Variants in AMER2 observed in about 807,000 individuals in gnomAD.
AMER2 encodes the protein APC membrane recruitment protein 2.
A neutral mutation model predicts 4.7 loss-of-function variants in AMER2; 1 was observed. That is an observed-to-expected ratio of 0.21 (90% confidence interval 0.07 to 1.00). AMER2 has a LOEUF of 1.00. Ranked by LOEUF, AMER2 falls within the 50% of genes least tolerant of loss-of-function variation. The pLI, the probability that AMER2 is intolerant of heterozygous loss-of-function variation, is 0.60. For missense variants in AMER2, 988 were observed against 966.9 expected (o/e 1.02, Z -0.29); for synonymous variants, 485 against 433.3 (o/e 1.12, Z -1.48).
Position 25,170,920 on chromosome 13 carries a change from G to T in AMER2, c.700C>A (p.Leu234Met), listed in dbSNP as rs748376080. 5 of 1,486,178 alleles carry T rather than the reference G, an allele frequency of 3.4e-6. No homozygotes were observed. The Admixed American group carries it at 6.7e-5, about 20-fold the overall frequency. 92.1% of individuals were successfully genotyped at this position (1,486,178 alleles called of 1,614,324 possible). A position where few individuals can be genotyped will look rare whatever the true frequency, so the allele number is the denominator to read the frequency against. ...LILPGSLTASLECVKEETPRA... is the reference protein window; with the variant it reads ...LILPGSLTASMECVKEETPRA... ...GGCGTCTCCTCCTTGACGCACTCCA[G>T]GCTGGCGGTGAGCGAGCCGGGTAGG... The change falls in exon 1 of 1, where the codon CTG becomes ATG. Residue 234 changes from leucine (L) to methionine (M), a missense_variant. By Grantham distance (15) the Leu-to-Met change is conservative. Transcript: ENST00000515384. This position sits in a 1 kb window ranked among gnomAD's most constrained non-coding sequence, Gnocchi z 7.3.
chr13:25,169,166 AGAG>A lies in AMER2; in HGVS notation c.*435_*437del, dbSNP rs1407790407. On this transcript the variant is annotated 3_prime_UTR_variant, in exon 1 of 1. Coordinates refer to ENST00000515384, the MANE Select transcript of AMER2 (RefSeq NM_152704.4). The surrounding 1 kb of genome is among the most constrained non-coding windows in gnomAD (Gnocchi z 4.2). ...GGGAAGGAAGGAAACGTGTCTTGGA[AGAG>A]GAGATCTCCTCTGGTTCTTCAGCGG... The A allele has an allele frequency of 6.5e-6, 1 of 154,026 alleles. No individual in the cohort carries two copies. The highest frequency in any genetic ancestry group is 1.4e-5 in the Non-Finnish European group (1 of 69,126). 9.5% of individuals were successfully genotyped at this position (154,026 alleles called of 1,614,324 possible).
In AMER2 at chr13:25,170,729, TC is replaced by T. The variant is rs1217583494; in HGVS notation, c.890del (p.Gly297GlufsTer31). ...CGCGCCGATGCCCCGCGGCGTCCTC[TC>T]CCCGGGCGCCGGTGTCGCCGGGGTG... ...LAHPGDTGAR[G>X]EDAAGHRRAE... On this transcript the variant is annotated frameshift_variant, in exon 1 of 1. Transcript: ENST00000515384. LOFTEE classifies it low-confidence loss of function (END_TRUNC). The surrounding 1 kb of genome is among the most constrained non-coding windows in gnomAD (Gnocchi z 7.3). 1 of 1,433,122 alleles carries T rather than the reference TC, an allele frequency of 7.0e-7. No homozygotes were observed. Among genetic ancestry groups the T allele is most frequent in the Non-Finnish European group, 9.1e-7 (1 of 1,102,274 alleles). The allele number at this position is 1,433,122 out of a possible 1,614,324, so 88.8% of individuals were successfully genotyped here.
Position 25,166,234 on chromosome 13 carries a change from T to A in AMER2, c.*3370A>T, listed in dbSNP as rs1205819918. 1.3e-5 allele frequency: 2 copies of A among 152,326 alleles called. No individual in the cohort carries two copies. Among genetic ancestry groups the A allele is most frequent in the Admixed American group, 1.3e-4 (2 of 15,302 alleles). The allele number at this position is 152,326 out of a possible 1,614,324, so 9.4% of individuals were successfully genotyped here. A position where few individuals can be genotyped will look rare whatever the true frequency, so the allele number is the denominator to read the frequency against. Reference sequence around the variant, plus strand: ...TTGTGGAAAATGTATCTAAAGGAAGTCCTTTGTATTCTATATTCCATTGTT... The same window carrying A: ...TTGTGGAAAATGTATCTAAAGGAAGACCTTTGTATTCTATATTCCATTGTT... On this transcript the variant is annotated 3_prime_UTR_variant, in exon 1 of 1. Coordinates refer to ENST00000515384, the MANE Select transcript of AMER2 (RefSeq NM_152704.4).
chr13:25,170,937 C>A lies in AMER2; in HGVS notation c.683G>T (p.Gly228Val). Reference protein sequence around the residue: ...RAPGGGLILPGSLTASLECVK... With the variant: ...RAPGGGLILPVSLTASLECVK... ...GCACTCCAGGCTGGCGGTGAGCGAG[C>A]CGGGTAGGATCAAGCCGCCCCCGGG... is the stretch of plus-strand genomic sequence containing the variant. Residue 228 changes from glycine (G) to valine (V), a missense_variant, in exon 1 of 1, where the codon GGC (glycine) becomes GTC (valine). Physicochemically the swap from Gly to Val is moderately radical, Grantham distance 109 (BLOSUM62 -3). Transcript: ENST00000515384. This position sits in a 1 kb window ranked among gnomAD's most constrained non-coding sequence, Gnocchi z 7.3. 1.3e-6 allele frequency: 2 copies of A among 1,500,692 alleles called. No homozygotes were observed. The highest frequency in any genetic ancestry group is 1.8e-6 in the Non-Finnish European group (2 of 1,130,174). 93.0% of individuals were successfully genotyped at this position (1,500,692 alleles called of 1,614,324 possible). A position where few individuals can be genotyped will look rare whatever the true frequency, so the allele number is the denominator to read the frequency against.
rs772409592 is a variant in AMER2 at position 25,170,520 on chromosome 13, G to A, written c.1100C>T (p.Ser367Phe). ...PSADRICLMF[S>F]DVTSLKSFDS... is the part of the protein sequence containing the mutation. ...AAAGCTTTTCAGTGAAGTCACGTCAGAAAACATCAAACAAATACGATCTGC... is the reference window on the plus strand; with the variant it reads ...AAAGCTTTTCAGTGAAGTCACGTCAAAAAACATCAAACAAATACGATCTGC... The change falls in exon 1 of 1, where the codon TCT becomes TTT. Residue 367 changes from serine (S) to phenylalanine (F), a missense_variant. Physicochemically the swap from Ser to Phe is radical, Grantham distance 155. Transcript: ENST00000515384. The surrounding 1 kb of genome is among the most constrained non-coding windows in gnomAD (Gnocchi z 7.3). The A allele has an allele frequency of 2.5e-6, 4 of 1,614,206 alleles. 1 individual carries two copies. The highest frequency in any genetic ancestry group is 3.4e-6 in the Non-Finnish European group (4 of 1,180,026).
At position 25,168,310 on chromosome 13, in the gene AMER2, A is replaced by G. The variant is rs571252257; in HGVS notation, c.*1294T>C. On this transcript the variant is annotated 3_prime_UTR_variant, in exon 1 of 1. Coordinates refer to ENST00000515384, the MANE Select transcript of AMER2 (RefSeq NM_152704.4). ...ACACACTTGTCTTTGTCATAAGTCTATAAAGCAAAAGGCAAATGATGTGAA... is the reference window on the plus strand; with the variant it reads ...ACACACTTGTCTTTGTCATAAGTCTGTAAAGCAAAAGGCAAATGATGTGAA... 3.3e-5 allele frequency: 5 copies of G among 152,346 alleles called. No individual in the cohort carries two copies. Among genetic ancestry groups the G allele is most frequent in the Non-Finnish European group, 1.5e-5 (1 of 68,020 alleles). The allele number at this position is 152,346 out of a possible 1,614,324, so 9.4% of individuals were successfully genotyped here. A position where few individuals can be genotyped will look rare whatever the true frequency, so the allele number is the denominator to read the frequency against.
Position 25,166,928 on chromosome 13 carries a change from T to C in AMER2, c.*2676A>G, listed in dbSNP as rs1017121447. The stretch of plus-strand genomic sequence containing the variant: ...TGTTTAATTCATTGCCCAAATCCTT[T>C]ATTTGATTGGTGTGGGTGCAATTCT... On this transcript the variant is annotated 3_prime_UTR_variant, in exon 1 of 1. Transcript: ENST00000515384. 2 of 152,278 alleles carry C rather than the reference T, an allele frequency of 1.3e-5. No homozygotes were observed. The highest frequency in any genetic ancestry group is 1.3e-4 in the Admixed American group (2 of 15,306). The allele number at this position is 152,278 out of a possible 1,614,324, so 9.4% of individuals were successfully genotyped here. A position where few individuals can be genotyped will look rare whatever the true frequency, so the allele number is the denominator to read the frequency against.
Position 25,170,856 on chromosome 13 carries a change from G to T in AMER2, c.764C>A (p.Ala255Asp), listed in dbSNP as rs759450767. The T allele has an allele frequency of 9.9e-5, 143 of 1,449,318 alleles. 1 individual carries two copies. The East Asian group carries it at 3.9e-3, about 39-fold the overall frequency. The allele number at this position is 1,449,318 out of a possible 1,614,324, so 89.8% of individuals were successfully genotyped here. A position where few individuals can be genotyped will look rare whatever the true frequency, so the allele number is the denominator to read the frequency against. The change falls in exon 1 of 1, where the codon GCC (alanine) becomes GAC (aspartate). Residue 255 changes from alanine (A) to aspartate (D), a missense_variant. Physicochemically the swap from Ala to Asp is moderately radical, Grantham distance 126. Coordinates refer to ENST00000515384, the MANE Select transcript of AMER2 (RefSeq NM_152704.4). This position sits in a 1 kb window ranked among gnomAD's most constrained non-coding sequence, Gnocchi z 7.3. ...GGGCTCACCTGCTGGGTCTCGCGGG[G>T]CGTCCTGGCTGGGCTCCTCCGGCTC... The part of the protein sequence containing the change: ...AREPEEPSQD[A>D]PRDPAGEPAG...
Position 25,169,426 on chromosome 13 carries a change from T to G in AMER2, c.*178A>C. Reference sequence around the variant, plus strand: ...CCCCGTGTAGCATCCCTCTTTCTGGTGTTATCCGGTCCCTGCTCAGGGCAC... The same window carrying G: ...CCCCGTGTAGCATCCCTCTTTCTGGGGTTATCCGGTCCCTGCTCAGGGCAC... On this transcript the variant is annotated 3_prime_UTR_variant, in exon 1 of 1. Transcript: ENST00000515384. The surrounding 1 kb of genome is among the most constrained non-coding windows in gnomAD (Gnocchi z 4.2). 1.5e-6 allele frequency: 1 copy of G among 663,770 alleles called. No individual in the cohort carries two copies. Among genetic ancestry groups the G allele is most frequent in the Non-Finnish European group, 2.3e-6 (1 of 426,430 alleles). The allele number at this position is 663,770 out of a possible 1,614,324, so 41.1% of individuals were successfully genotyped here.
chr13:25,169,406 T>C lies in AMER2; in HGVS notation c.*198A>G. 1 of 564,308 alleles carries C rather than the reference T, an allele frequency of 1.8e-6. No individual in the cohort carries two copies. The highest frequency in any genetic ancestry group is 4.0e-5 in the South Asian group (1 of 25,006). The allele number at this position is 564,308 out of a possible 1,614,324, so 35.0% of individuals were successfully genotyped here. On this transcript the variant is annotated 3_prime_UTR_variant, in exon 1 of 1. Coordinates refer to ENST00000515384, the MANE Select transcript of AMER2 (RefSeq NM_152704.4). The surrounding 1 kb of genome is among the most constrained non-coding windows in gnomAD (Gnocchi z 4.2). ...CTTATCTTGAGAGGAGAAACCCCCGTGTAGCATCCCTCTTTCTGGTGTTAT... is the reference window on the plus strand; with the variant it reads ...CTTATCTTGAGAGGAGAAACCCCCGCGTAGCATCCCTCTTTCTGGTGTTAT...
chr13:25,171,562 C>G lies in AMER2; in HGVS notation c.58G>C (p.Gly20Arg). The change falls in exon 1 of 1, where the codon GGC (glycine) becomes CGC (arginine). Residue 20 changes from glycine to arginine, a missense_variant. Coordinates refer to ENST00000515384, the MANE Select transcript of AMER2 (RefSeq NM_152704.4). This position sits in a 1 kb window ranked among gnomAD's most constrained non-coding sequence, Gnocchi z 5.9. The part of the protein sequence containing the change: ...GGAVSERGGA[G>R]ASVGVCRRKA... ...CTCCTGCAGACCCCCACGGACGCGC[C>G]AGCTCCGCCGCGCTCGCTGACAGCC... 2 of 1,560,782 alleles carry G rather than the reference C, an allele frequency of 1.3e-6. No individual in the cohort carries two copies. The highest frequency in any genetic ancestry group is 1.7e-6 in the Non-Finnish European group (2 of 1,163,568).
In AMER2 at chr13:25,166,790, A is replaced by C. The variant is rs952012788; in HGVS notation, c.*2814T>G. ...AACAATCTCCATGAACACAAATGAG[A>C]GAAAGTAGCCCTTGGCACAAGAAAG... On this transcript the variant is annotated 3_prime_UTR_variant, in exon 1 of 1. Coordinates refer to ENST00000515384, the MANE Select transcript of AMER2 (RefSeq NM_152704.4). The C allele has an allele frequency of 6.6e-6, 1 of 152,194 alleles. No individual in the cohort carries two copies. Among genetic ancestry groups the C allele is most frequent in the African/African-American group, 2.4e-5 (1 of 41,444 alleles). The allele number at this position is 152,194 out of a possible 1,614,324, so 9.4% of individuals were successfully genotyped here. A position where few individuals can be genotyped will look rare whatever the true frequency, so the allele number is the denominator to read the frequency against.
At position 25,166,220 on chromosome 13, in the gene AMER2, G is replaced by A. The variant is rs529353794; in HGVS notation, c.*3384C>T. ...AATAAGCAGATAATTTGTGGAAAAT[G>A]TATCTAAAGGAAGTCCTTTGTATTC... On this transcript the variant is annotated 3_prime_UTR_variant, in exon 1 of 1. Transcript: ENST00000515384. 18 of 152,274 alleles carry A rather than the reference G, an allele frequency of 1.2e-4. No homozygotes were observed. The highest frequency in any genetic ancestry group is 3.8e-4 in the African/African-American group (16 of 41,560). The allele number at this position is 152,274 out of a possible 1,614,324, so 9.4% of individuals were successfully genotyped here. A position where few individuals can be genotyped will look rare whatever the true frequency, so the allele number is the denominator to read the frequency against.
In AMER2 at chr13:25,169,717, G is replaced by A. The variant is rs767680995; in HGVS notation, c.1903C>T (p.Pro635Ser). The change falls in exon 1 of 1, where the codon CCC (proline) becomes TCC (serine). Residue 635 changes from proline to serine, a missense_variant. Physicochemically the swap from Pro to Ser is moderately conservative, Grantham distance 74. Coordinates refer to ENST00000515384, the MANE Select transcript of AMER2 (RefSeq NM_152704.4). The surrounding 1 kb of genome is among the most constrained non-coding windows in gnomAD (Gnocchi z 4.2). ...VHQQPSRSEM[P>S]RTKIPVSKVL... Reference sequence around the variant, plus strand: ...TTGGAAACCGGGATTTTTGTTCTGGGCATCTCACTCCTGGAGGGTTGCTGG... The same window carrying A: ...TTGGAAACCGGGATTTTTGTTCTGGACATCTCACTCCTGGAGGGTTGCTGG... The A allele has an allele frequency of 1.2e-6, 2 of 1,614,172 alleles. No individual in the cohort carries two copies.
At position 25,166,665 on chromosome 13, in the gene AMER2, TAAAAAG is replaced by T. The variant is rs2137435542; in HGVS notation, c.*2933_*2938del. On this transcript the variant is annotated 3_prime_UTR_variant, in exon 1 of 1. Transcript: ENST00000515384. The stretch of plus-strand genomic sequence containing the variant: ...ATTAGCCTCTATCCAATCCTTCCCT[TAAAAAG>T]TCAGCAAATATGGGCCTGAATAATC... The T allele has an allele frequency of 6.6e-6, 1 of 152,300 alleles. No individual in the cohort carries two copies. The highest frequency in any genetic ancestry group is 1.5e-5 in the Non-Finnish European group (1 of 68,036). The allele number at this position is 152,300 out of a possible 1,614,324, so 9.4% of individuals were successfully genotyped here.
Position 25,170,822 on chromosome 13 carries a change from T to G in AMER2, c.798A>C (p.Gly266=), listed in dbSNP as rs746377342. Residue 266 remains glycine (G), a synonymous_variant, in exon 1 of 1, where the codon GGA becomes GGC. Transcript: ENST00000515384. This position sits in a 1 kb window ranked among gnomAD's most constrained non-coding sequence, Gnocchi z 7.3. ...PRDPAGEPAG[G]EEVPAPADRA... is the part of the protein sequence containing the mutation. ...GGTCGGCGGGGGCGGGCACCTCCTCTCCCCCTGCGGGCTCACCTGCTGGGT... is the reference window on the plus strand; with the variant it reads ...GGTCGGCGGGGGCGGGCACCTCCTCGCCCCCTGCGGGCTCACCTGCTGGGT... 7.1e-7 allele frequency: 1 copy of G among 1,410,090 alleles called. No individual in the cohort carries two copies. The highest frequency in any genetic ancestry group is 2.9e-5 in the Admixed American group (1 of 34,488). 87.3% of individuals were successfully genotyped at this position (1,410,090 alleles called of 1,614,324 possible).
chr13:25,172,038 A>T lies in AMER2; in HGVS notation c.-419T>A. On this transcript the variant is annotated 5_prime_UTR_variant, in exon 1 of 1. Transcript: ENST00000515384. Reference sequence around the variant, plus strand: ...TTGTTTTTCTTATCCTCTCTCCTAGACTCCCTGCATCTTCATGCCTTTCCC... The same window carrying T: ...TTGTTTTTCTTATCCTCTCTCCTAGTCTCCCTGCATCTTCATGCCTTTCCC... 5.6e-6 allele frequency: 1 copy of T among 179,466 alleles called. No individual in the cohort carries two copies. Among genetic ancestry groups the T allele is most frequent in the Non-Finnish European group, 1.1e-5 (1 of 87,786 alleles). The allele number at this position is 179,466 out of a possible 1,614,324, so 11.1% of individuals were successfully genotyped here. A position where few individuals can be genotyped will look rare whatever the true frequency, so the allele number is the denominator to read the frequency against.
rs1451595103 is a variant in AMER2, at chr13:25,166,458, C to T, written c.*3146G>A. On this transcript the variant is annotated 3_prime_UTR_variant, in exon 1 of 1. Transcript: ENST00000515384. ...TACTAAAGCAGAGTGTTTCAAATAA[C>T]AGTGTATGTGTAATATAGACATTCA... 2 of 152,168 alleles carry T rather than the reference C, an allele frequency of 1.3e-5. No individual in the cohort carries two copies. The highest frequency in any genetic ancestry group is 2.9e-5 in the Non-Finnish European group (2 of 68,026). 9.4% of individuals were successfully genotyped at this position (152,168 alleles called of 1,614,324 possible). A position where few individuals can be genotyped will look rare whatever the true frequency, so the allele number is the denominator to read the frequency against.
At position 25,162,490 on chromosome 13, in the gene AMER2, C is replaced by T. The variant is rs1382668954; in HGVS notation, c.*7114G>A. The T allele has an allele frequency of 6.6e-6, 1 of 152,174 alleles. No individual in the cohort carries two copies. Among genetic ancestry groups the T allele is most frequent in the Non-Finnish European group, 1.5e-5 (1 of 68,024 alleles). The allele number at this position is 152,174 out of a possible 1,614,324, so 9.4% of individuals were successfully genotyped here. A position where few individuals can be genotyped will look rare whatever the true frequency, so the allele number is the denominator to read the frequency against. ...TAAATATTACTTTGCTAGAGTTTCTCCTCCTTTATTTAGAAATAAATGTGT... is the reference window on the plus strand; with the variant it reads ...TAAATATTACTTTGCTAGAGTTTCTTCTCCTTTATTTAGAAATAAATGTGT... On this transcript the variant is annotated 3_prime_UTR_variant, in exon 1 of 1. Coordinates refer to ENST00000515384, the MANE Select transcript of AMER2 (RefSeq NM_152704.4).
Sources: allele counts gnomAD v4.1 joint callset, GRCh38; gene constraint gnomAD v4.1.1; non-coding constraint Gnocchi (gnomAD v3.1); transcripts MANE v1.5; gene names NCBI Gene and HGNC (gene_info 2026-07-23, HGNC 2026-07-21).